AUTS2: variants seen among roughly 807,000 people sequenced by gnomAD.
AUTS2 encodes the protein autism susceptibility gene 2 protein.
In AUTS2, 17 loss-of-function variants were observed where a neutral mutation model predicts 112.4. The ratio of observed to expected loss-of-function variants is 0.15; its 90% confidence interval spans 0.10 to 0.23. The LOEUF (loss-of-function observed/expected upper bound fraction) is 0.23, where lower values mean the gene tolerates loss of function less well. Among genes scored for constraint, AUTS2 ranks in the 10% least tolerant of loss-of-function variants. The probability of loss-of-function intolerance (pLI) is 1.00; values close to 1 mark genes in which losing one functional copy is unlikely to be tolerated. For synonymous variants in AUTS2, 751 were observed against 702.7 expected (o/e 1.07, Z -1.09); for missense variants, 1,510 against 1,701.6 (o/e 0.89, Z 1.98).
intron 1 of AUTS2, among the ~76,000 whole-genome samples, chr7:69,686,579 A>C (rs1797077362): frequency 6.6e-6 from 1 of 152,228 alleles, no homozygotes; most frequent in African/African-American, 2.4e-5. Context: ...GAGGAACTTA[A>C]AATTCTGTTG....
intron 2 of AUTS2, among the ~76,000 whole-genome samples, chr7:70,064,791 T>C (rs1232311491): frequency 2.0e-5 from 3 of 152,224 alleles, no homozygotes; most frequent in East Asian, 3.8e-4. Flanking sequence ...AGAATTGTAA[T>C]GTATGGCACT....
chr7:70,479,723 GT>G (rs1401591687), intron 5 of AUTS2, among the ~76,000 whole-genome samples: 16 of 152,236 alleles, frequency 1.1e-4, no homozygotes, highest in African/African-American at 3.6e-4. Context: ...CTCTTCTTCA[GT>G]TTATATCAGA....
intron 5 of AUTS2, among the ~76,000 whole-genome samples, chr7:70,527,715 A>C (rs990519763): frequency 6.6e-6 from 1 of 152,224 alleles, no homozygotes; most frequent in Non-Finnish European, 1.5e-5. Context: ...TTTGAACTCT[A>C]CAGGGAAGTT....
intron 2 of AUTS2, among the ~76,000 whole-genome samples, chr7:69,992,514 A>T (rs1563021462): frequency 6.6e-6 from 1 of 152,194 alleles, no homozygotes; most frequent in African/African-American, 2.4e-5. Context: ...AACATCATCC[A>T]GGAAGGCCTT....
chr7:70,707,799 G>A (rs922942089), intron 6 of AUTS2, among the ~76,000 whole-genome samples: 1 of 152,114 alleles, frequency 6.6e-6, no homozygotes, highest in African/African-American at 2.4e-5. Context: ...TTGTGCCTTT[G>A]CGTGAACTGA....
chr7:70,717,464 G>A (rs1195812311), intron 6 of AUTS2, among the ~76,000 whole-genome samples: 1 of 152,268 alleles, frequency 6.6e-6, no homozygotes, highest in East Asian at 1.9e-4. Context: ...CGAGCTCCTG[G>A]TGCACTTTCT....
At chr7:69,829,222 A>C (rs1362979726) in intron 1 of AUTS2, among the ~76,000 whole-genome samples, 2 of 152,186 alleles carry the variant, frequency 1.3e-5, no homozygotes, top group Non-Finnish European at 2.9e-5. Flanking sequence ...CTTTCCTTAC[A>C]CTTTATATAA....
intron 4 of AUTS2, among the ~76,000 whole-genome samples, chr7:70,398,187 T>C (rs1794169963): frequency 6.6e-6 from 1 of 152,266 alleles, no homozygotes; most frequent in Non-Finnish European, 1.5e-5. Context: ...CCACATCATT[T>C]GGTTACTACA....
chr7:69,988,748 C>T (rs562941517), intron 2 of AUTS2, among the ~76,000 whole-genome samples: 133 of 152,302 alleles, frequency 8.7e-4, no homozygotes, highest in African/African-American at 3.1e-3. Flanking sequence ...ACACATCCCC[C>T]TCTAACTAGC....
intron 2 of AUTS2, among the ~76,000 whole-genome samples, chr7:69,959,950 A>G (rs763755170): frequency 6.6e-6 from 1 of 152,074 alleles, no homozygotes; most frequent in Non-Finnish European, 1.5e-5. Flanking sequence ...TGGCTGCTAT[A>G]GTCAGGTCTG....
intron 4 of AUTS2, among the ~76,000 whole-genome samples, chr7:70,231,738 G>A (rs895716119): frequency 6.9e-6 from 1 of 143,966 alleles, no homozygotes; most frequent in East Asian, 2.1e-4. Flanking sequence ...CACCACACCT[G>A]GCCTAGATAT....
At chr7:70,424,524 A>C (rs1307372497) in intron 4 of AUTS2, among the ~76,000 whole-genome samples, 1 of 152,084 alleles carries the variant, frequency 6.6e-6, no homozygotes, top group Admixed American at 6.6e-5. Context: ...GAAGGGTGGT[A>C]GTATAATACT....
intron 5 of AUTS2, among the ~76,000 whole-genome samples, chr7:70,679,849 A>G (rs934609276): frequency 2.0e-5 from 3 of 152,184 alleles, no homozygotes; most frequent in Admixed American, 6.5e-5. Context: ...TTCGTTCTGA[A>G]GTCCTTCCCT....
rs1801217676 is a variant in AUTS2, at chr7:70,040,877, T to A, written c.523-77255T>A. ...AAATGTCTGTGTCTGGAAGTGGAGA[T>A]ACACAAGATGGGTTGGTCCCCATGG... On this transcript the variant is annotated intron_variant, in intron 2 of 18. Transcript: ENST00000342771. Among the ~76,000 whole-genome samples, 5 of 152,228 alleles carry A rather than the reference T, an allele frequency of 3.3e-5. No homozygotes were observed. In the South Asian group the frequency reaches 1.0e-3, roughly 31 times the overall value.
chr7:70,147,443 T>A (rs2129575887), intron 4 of AUTS2, among the ~76,000 whole-genome samples: 1 of 151,746 alleles, frequency 6.6e-6, no homozygotes, highest in South Asian at 2.1e-4. Flanking sequence ...CATGACAGAG[T>A]TTACATGATG....
intron 1 of AUTS2, among the ~76,000 whole-genome samples, chr7:69,694,866 C>T (rs780671149): frequency 1.3e-5 from 2 of 152,100 alleles, no homozygotes; most frequent in Non-Finnish European, 2.9e-5. Context: ...CTTTGCAAAA[C>T]GCCAAACGTC....
Position 69,841,490 on chromosome 7 carries a change from C to T in AUTS2, c.310-57796C>T, listed in dbSNP as rs549836832. Among the ~76,000 whole-genome samples the T allele has an allele frequency of 1.8e-4, 28 of 152,284 alleles. 1 individual carries two copies. Among genetic ancestry groups the T allele is most frequent in the African/African-American group, 5.3e-4 (22 of 41,562 alleles). On this transcript the variant is annotated intron_variant, in intron 1 of 18. Coordinates refer to ENST00000342771, the MANE Select transcript of AUTS2 (RefSeq NM_015570.4). Reference sequence around the variant, plus strand: ...ACCAGCATTGGGGATTACAATTCAACATCAGGTTTGGGCAGGGACAGATAT... The same window carrying T: ...ACCAGCATTGGGGATTACAATTCAATATCAGGTTTGGGCAGGGACAGATAT...
intron 2 of AUTS2, among the ~76,000 whole-genome samples, chr7:70,018,300 A>C (rs1800122181): frequency 6.6e-6 from 1 of 152,100 alleles, no homozygotes; most frequent in Non-Finnish European, 1.5e-5. Flanking sequence ...GAAGGAATTC[A>C]TACACATTCA....
At chr7:70,029,578 C>T (rs1449500824) in intron 2 of AUTS2, among the ~76,000 whole-genome samples, 1 of 151,986 alleles carries the variant, frequency 6.6e-6, no homozygotes, top group Non-Finnish European at 1.5e-5. Flanking sequence ...TGTTCTGAGA[C>T]AATAATGTAA....
Sources: allele counts gnomAD v4.1 joint callset (sites outside exome capture counted in the v4.1 genomes callset), GRCh38; gene constraint gnomAD v4.1.1; transcripts MANE v1.5; gene names NCBI Gene and HGNC (gene_info 2026-07-23, HGNC 2026-07-21).